Variants in KIF3C observed in about 807,000 individuals in gnomAD.
KIF3C encodes kinesin-like protein KIF3C.
KIF3C carries 12 observed loss-of-function variants against 67.7 expected under a neutral mutation model. The observed-to-expected ratio is 0.18, with a 90% CI of 0.11 to 0.29. The LOEUF (loss-of-function observed/expected upper bound fraction) is 0.29. KIF3C is among the 10% of genes least tolerant of loss of function. The probability of loss-of-function intolerance (pLI) is 1.00; values close to 1 mark genes in which losing one functional copy is unlikely to be tolerated. For missense variants in KIF3C, 789 were observed against 1,059.6 expected, an observed-to-expected ratio of 0.74 and a Z score of 3.55; for synonymous variants, 393 against 426.2, an observed-to-expected ratio of 0.92 and a Z score of 0.96.
intron 1 of KIF3C, among the ~76,000 whole-genome samples, chr2:25,978,352 T>C (rs1051446905): frequency 2.0e-5 from 3 of 152,162 alleles, no homozygotes; most frequent in Middle Eastern, 6.3e-3. Flanking sequence ...ACGCCTTATA[T>C]AAAAATGAAT....
At chr2:25,944,590 A>T (rs1002405535) in intron 5 of KIF3C, among the ~76,000 whole-genome samples, 1 of 152,084 alleles carries the variant, frequency 6.6e-6, no homozygotes, top group Admixed American at 6.6e-5. Context: ...GGCTCAAGCC[A>T]TCTACCTGCT....
Position 25,958,875 on chromosome 2 carries a change from G to A in KIF3C, c.1546-2431C>T, listed in dbSNP as rs1663876168. ...GGATCACCTGAGGTTGGGAGTTCGA[G>A]ACCAGTCTGACCAACATGGAGAAAC... is the stretch of plus-strand genomic sequence containing the variant. On this transcript the variant is annotated intron_variant, in intron 1 of 7. Coordinates refer to ENST00000264712, the MANE Select transcript of KIF3C (RefSeq NM_002254.8). The surrounding 1 kb of genome is among the most constrained non-coding windows in gnomAD (Gnocchi z 4.5). 6.6e-6 allele frequency among the ~76,000 whole-genome samples: 1 copy of A among 152,088 alleles called. No individual in the cohort carries two copies. Among genetic ancestry groups the A allele is most frequent in the East Asian group, 1.9e-4 (1 of 5,158 alleles).
chr2:25,981,263 T>A lies in KIF3C; in HGVS notation c.655A>T (p.Ile219Phe), dbSNP rs1664587413. The change falls in exon 1 of 8, where the codon ATC becomes TTC. Residue 219 changes from isoleucine (I) to phenylalanine (F), a missense_variant. Ile to Phe is a conservative substitution (Grantham distance 21). Coordinates refer to ENST00000264712, the MANE Select transcript of KIF3C (RefSeq NM_002254.8). This position sits in a 1 kb window ranked among gnomAD's most constrained non-coding sequence, Gnocchi z 8.2. The stretch of plus-strand genomic sequence containing the variant: ...CTGCACTCCACAGTGATGATGAAGA[T>A]GGCATGGGAGCGGGAGCTGACCTCA... ...MNEVSSRSHA[I>F]FIITVECSER... is the part of the protein sequence containing the mutation. The A allele has an allele frequency of 6.2e-7, 1 of 1,614,050 alleles. No individual in the cohort carries two copies. The highest frequency in any genetic ancestry group is 8.5e-7 in the Non-Finnish European group (1 of 1,180,028).
Position 25,982,246 on chromosome 2 carries a change from G to A in KIF3C, c.-329C>T, listed in dbSNP as rs1664621746. 2 of 416,808 alleles carry A rather than the reference G, an allele frequency of 4.8e-6. No homozygotes were observed. The highest frequency in any genetic ancestry group is 8.4e-6 in the Non-Finnish European group (2 of 237,268). The allele number at this position is 416,808 out of a possible 1,614,324, so 25.8% of individuals were successfully genotyped here. ...GGGAGCGCTGCCGTAAACAGCTTCG[G>A]CAACAATGAGATAAAGGAAGAGGAA... On this transcript the variant is annotated 5_prime_UTR_variant, in exon 1 of 8. Coordinates refer to ENST00000264712, the MANE Select transcript of KIF3C (RefSeq NM_002254.8).
intron 5 of KIF3C, among the ~76,000 whole-genome samples, chr2:25,942,362 A>G (rs1663303481): frequency 6.6e-6 from 1 of 152,136 alleles, no homozygotes; most frequent in African/African-American, 2.4e-5. Flanking sequence ...GAAACTAAAA[A>G]TAAAAGGTTG....
intron 7 of KIF3C, 91 bp downstream of exon 7, chr2:25,929,214 G>A (rs2090437235): frequency 6.7e-7 from 1 of 1,488,362 alleles, no homozygotes; most frequent in African/African-American, 1.4e-5. Flanking sequence ...TGCCCTTCGG[G>A]TACCAGCAAA....
rs1322194850 is a variant in KIF3C at position 25,926,637 on chromosome 2, A to T, written c.*2341T>A. 2.6e-5 allele frequency: 4 copies of T among 152,350 alleles called. No homozygotes were observed. Among genetic ancestry groups the T allele is most frequent in the East Asian group, 1.9e-4 (1 of 5,192 alleles). The allele number at this position is 152,350 out of a possible 1,614,324, so 9.4% of individuals were successfully genotyped here. A position where few individuals can be genotyped will look rare whatever the true frequency, so the allele number is the denominator to read the frequency against. ...CATTCCTTTATTGTCAACTGCATTG[A>T]TTGGAACAGGGCTGGGGCCTGCAAG... is the stretch of plus-strand genomic sequence containing the variant. On this transcript the variant is annotated 3_prime_UTR_variant, in exon 8 of 8. Transcript: ENST00000264712.
intron 1 of KIF3C, among the ~76,000 whole-genome samples, chr2:25,963,677 T>G: frequency 8.8e-6 from 1 of 114,004 alleles, no homozygotes; most frequent in African/African-American, 4.0e-5. Flanking sequence ...ATTATTATTA[T>G]TATTATTATT....
chr2:25,962,911 TAA>T (rs1664008794), intron 1 of KIF3C, among the ~76,000 whole-genome samples: 1 of 55,158 alleles, frequency 1.8e-5, no homozygotes, highest in Admixed American at 3.9e-4. Flanking sequence ...ATATAATATA[TAA>T]TATATATAAT....
chr2:25,978,524 G>C (rs951526929), intron 1 of KIF3C, among the ~76,000 whole-genome samples: 3 of 152,130 alleles, frequency 2.0e-5, no homozygotes, highest in Non-Finnish European at 2.9e-5. Flanking sequence ...CTCTAAGACT[G>C]TGATATTTTG....
intron 1 of KIF3C, among the ~76,000 whole-genome samples, chr2:25,959,501 G>A (rs1016546203): frequency 5.9e-5 from 9 of 151,788 alleles, no homozygotes; most frequent in East Asian, 1.9e-4. Flanking sequence ...CTGCAGTGGC[G>A]CGATCTTGGC....
intron 5 of KIF3C, among the ~76,000 whole-genome samples, chr2:25,949,137 A>T (rs2149230156): frequency 6.6e-6 from 1 of 152,356 alleles, no homozygotes; most frequent in South Asian, 2.1e-4. Flanking sequence ...TTTCGGAAGT[A>T]CAGGTAAAAG....
chr2:25,950,879 C>G (rs1454167189), intron 5 of KIF3C, among the ~76,000 whole-genome samples: 3 of 141,698 alleles, frequency 2.1e-5, no homozygotes, highest in African/African-American at 8.1e-5. Context: ...AAATAGGCAT[C>G]TAAGCTATAG....
chr2:25,952,124 C>T (rs906810644), intron 4 of KIF3C, among the ~76,000 whole-genome samples: 3 of 151,968 alleles, frequency 2.0e-5, no homozygotes, highest in Non-Finnish European at 4.4e-5. Flanking sequence ...ACACCATTTC[C>T]GTCTCTACTA....
In KIF3C at chr2:25,966,076, C is replaced by T. The variant is rs1291793094; in HGVS notation, c.1546-9632G>A. 2.6e-5 allele frequency among the ~76,000 whole-genome samples: 4 copies of T among 151,934 alleles called. No individual in the cohort carries two copies. In the South Asian group the frequency reaches 6.2e-4, roughly 24 times the overall value. ...AGGCCTAGAAGTGGAGTCCTTGAAG[C>T]CTGAGTCTCCTAATTAAGGAATCTG... On this transcript the variant is annotated intron_variant, in intron 1 of 7. Transcript: ENST00000264712.
chr2:25,944,168 C>T (rs376973973), intron 5 of KIF3C, among the ~76,000 whole-genome samples: 1 of 152,114 alleles, frequency 6.6e-6, no homozygotes, highest in South Asian at 2.1e-4. Flanking sequence ...CTGCCTCAGC[C>T]TCCCAAGTAG....
intron 3 of KIF3C, among the ~76,000 whole-genome samples, chr2:25,954,906 G>A (rs1663767022): frequency 1.3e-5 from 2 of 152,174 alleles, no homozygotes; most frequent in Non-Finnish European, 2.9e-5. Flanking sequence ...CCTCTCCAAA[G>A]CCACTGAGGG....
At chr2:25,930,323 C>CA (rs2090448939) in intron 5 of KIF3C, among the ~76,000 whole-genome samples, 1 of 152,136 alleles carries the variant, frequency 6.6e-6, no homozygotes, top group South Asian at 2.1e-4. Flanking sequence ...TTTCGAGAGA[C>CA]AGACACACCT....
chr2:25,931,656 T>G (rs1341936369), intron 5 of KIF3C, among the ~76,000 whole-genome samples: 2 of 151,982 alleles, frequency 1.3e-5, no homozygotes, highest in African/African-American at 4.8e-5. Flanking sequence ...TACTTTTTTT[T>G]TTTCAAAGTC....
Sources: allele counts gnomAD v4.1 joint callset (sites outside exome capture counted in the v4.1 genomes callset), GRCh38; gene constraint gnomAD v4.1.1; non-coding constraint Gnocchi (gnomAD v3.1); transcripts MANE v1.5; gene names NCBI Gene and HGNC (gene_info 2026-07-23, HGNC 2026-07-21).